Variants in ITGA7 observed in about 807,000 individuals in gnomAD.
ITGA7 encodes the protein integrin subunit alpha 7.
Under a neutral mutation model 131.6 loss-of-function variants are expected in ITGA7, and 84 were observed. The observed-to-expected ratio is 0.64, with a 90% CI of 0.54 to 0.77. The LOEUF is 0.77. Ranked by LOEUF, ITGA7 falls within the 30% of genes least tolerant of loss-of-function variation. The probability of loss-of-function intolerance (pLI) is 0.00; values close to 1 mark genes in which losing one functional copy is unlikely to be tolerated. For missense variants in ITGA7, 1,399 were observed against 1,482.9 expected (o/e 0.94, Z 0.93); for synonymous variants, 548 against 600.7 (o/e 0.91, Z 1.28).
intron 13 of ITGA7, among the ~76,000 whole-genome samples, chr12:55,696,030 C>T (rs1872557319): frequency 6.6e-6 from 1 of 152,168 alleles, no homozygotes; most frequent in Non-Finnish European, 1.5e-5. Context: ...AATGTGACTT[C>T]AAGAGCTTGA....
Position 55,697,450 on chromosome 12 carries a change from C to A in ITGA7, c.1505+1G>T, listed in dbSNP as rs1418718836. The A allele has an allele frequency of 1.2e-6, 2 of 1,613,738 alleles. No homozygotes were observed. Among genetic ancestry groups the A allele is most frequent in the South Asian group, 1.1e-5 (1 of 91,086 alleles). On this transcript the variant is annotated splice_donor_variant, in intron 10 of 24. Transcript: ENST00000257879. LOFTEE classifies it high-confidence loss of function. ...CCAGGTGCCACCCGATCCCACCTCA[C>A]CAGACCGAGTGGCCGCCAGCACAGT... is the stretch of plus-strand genomic sequence containing the variant.
rs1870605419 is a variant in ITGA7 at position 55,688,020 on chromosome 12, A to G, written c.3134T>C (p.Val1045Ala). 2 of 1,614,200 alleles carry G rather than the reference A, an allele frequency of 1.2e-6. No homozygotes were observed. The highest frequency in any genetic ancestry group is 8.5e-7 in the Non-Finnish European group (1 of 1,180,032). Residue 1045 changes from valine to alanine, a missense_variant, in exon 24 of 25, where the codon GTA becomes GCA. Coordinates refer to ENST00000257879, the MANE Select transcript of ITGA7 (RefSeq NM_002206.3). ...GVPWWVILLA[V>A]LAGLLVLALL... ...TGCTAGCACCAGCAGCCCAGCCAGT[A>G]CAGCCAGGAGGATGACCCACCAGGG...
chr12:55,696,044 C>G (rs968776462), intron 13 of ITGA7, among the ~76,000 whole-genome samples: 29 of 152,196 alleles, frequency 1.9e-4, no homozygotes, highest in Non-Finnish European at 8.8e-5. Context: ...AGCTTGAAGG[C>G]CGCATTTGAA....
chr12:55,691,306 G>A (rs1280365949), intron 21 of ITGA7, among the ~76,000 whole-genome samples: 1 of 152,068 alleles, frequency 6.6e-6, no homozygotes, highest in Non-Finnish European at 1.5e-5. Context: ...CCTAGGGCTG[G>A]AGTGGAGGCG....
Position 55,685,075 on chromosome 12 carries a change from C to G in ITGA7, c.3397G>C (p.Gly1133Arg), listed in dbSNP as rs777049721. 6.3e-7 allele frequency: 1 copy of G among 1,594,716 alleles called. No homozygotes were observed. The highest frequency in any genetic ancestry group is 1.1e-5 in the South Asian group (1 of 89,138). ...ATGGGAACCTAGGCGGTGCCTGGCCCTGGATGCCCATCGGGGCCCAGCTCG... is the reference window on the plus strand; with the variant it reads ...ATGGGAACCTAGGCGGTGCCTGGCCGTGGATGCCCATCGGGGCCCAGCTCG... ...HPELGPDGHP[G>R]PGTA Residue 1133 changes from glycine to arginine, a missense_variant, in exon 25 of 25, where the codon GGG becomes CGG. Coordinates refer to ENST00000257879, the MANE Select transcript of ITGA7 (RefSeq NM_002206.3).
rs180841797 is a variant in ITGA7 at position 55,699,994 on chromosome 12, G to T, written c.671-5C>A. The T allele has an allele frequency of 4.1e-4, 667 of 1,613,900 alleles. 6 individuals carry two copies. The African/African-American group carries it at 7.3e-3, about 18-fold the overall frequency. On this transcript the variant is annotated splice_region_variant and splice_polypyrimidine_tract_variant and intron_variant, in intron 4 of 24. Coordinates refer to ENST00000257879, the MANE Select transcript of ITGA7 (RefSeq NM_002206.3). Reference sequence around the variant, plus strand: ...TGTTGGTCACAAAAAGCAACCCTGTGGGGGGTGGGGTGAGACACCAGGGAG... The same window carrying T: ...TGTTGGTCACAAAAAGCAACCCTGTTGGGGGTGGGGTGAGACACCAGGGAG...
chr12:55,714,967 T>C (rs1170152571), upstream of ITGA7, among the ~76,000 whole-genome samples: 1 of 150,874 alleles, frequency 6.6e-6, no homozygotes, highest in Non-Finnish European at 1.5e-5. Flanking sequence ...TTCAAGCGAT[T>C]CTCCTGCCTC....
upstream of ITGA7, among the ~76,000 whole-genome samples, chr12:55,713,109 T>C (rs1329244641): frequency 6.6e-6 from 1 of 151,774 alleles, no homozygotes; most frequent in African/African-American, 2.4e-5. Context: ...CCAACCCATG[T>C]CCTTCTCTTC....
chr12:55,706,958 G>C (rs148121964), intron 1 of ITGA7, among the ~76,000 whole-genome samples: 2 of 152,334 alleles, frequency 1.3e-5, no homozygotes, highest in African/African-American at 4.8e-5. Flanking sequence ...CACAGAAGTG[G>C]AAGCTCTCTC....
chr12:55,709,929 G>T (rs1592503791), upstream of ITGA7, among the ~76,000 whole-genome samples: 1 of 152,158 alleles, frequency 6.6e-6, no homozygotes, highest in Admixed American at 6.5e-5. Context: ...TATAAATAGA[G>T]GGGCAAAGGA....
At chr12:55,711,718 T>C (rs966202339), upstream of ITGA7, among the ~76,000 whole-genome samples, 1 of 152,192 alleles carries the variant, frequency 6.6e-6, no homozygotes, top group Non-Finnish European at 1.5e-5. Context: ...GAAAGATTAA[T>C]AATCTTTATA....
In ITGA7 at chr12:55,707,876, A is replaced by AC. The variant is rs1875589233; in HGVS notation, c.-195dup. On this transcript the variant is annotated 5_prime_UTR_variant, in exon 1 of 25. Transcript: ENST00000257879. Reference sequence around the variant, plus strand: ...CGCCGCCCCAGCACCGGCTAGGACAACTACAGCAGCCGCAGCTCCGGCGCC... The same window carrying AC: ...CGCCGCCCCAGCACCGGCTAGGACAACCTACAGCAGCCGCAGCTCCGGCGCC... 1 of 1,423,850 alleles carries AC rather than the reference A, an allele frequency of 7.0e-7. No homozygotes were observed. Among genetic ancestry groups the AC allele is most frequent in the Non-Finnish European group, 9.1e-7 (1 of 1,093,646 alleles). 88.2% of individuals were successfully genotyped at this position (1,423,850 alleles called of 1,614,324 possible). A position where few individuals can be genotyped will look rare whatever the true frequency, so the allele number is the denominator to read the frequency against.
At chr12:55,705,417 C>CTG (rs1874977036) in intron 1 of ITGA7, among the ~76,000 whole-genome samples, 1 of 152,142 alleles carries the variant, frequency 6.6e-6, no homozygotes, top group African/African-American at 2.4e-5. Flanking sequence ...GCAGAGGGAC[C>CTG]CCCTGGGAGC....
intron 3 of ITGA7, 68 bp downstream of exon 3, chr12:55,702,804 G>T: frequency 1.5e-6 from 2 of 1,331,004 alleles, no homozygotes; most frequent in Non-Finnish European, 1.1e-6. Flanking sequence ...CTATGCGTAT[G>T]CACACACCAT....
chr12:55,685,532 C>G (rs1179848027), intron 24 of ITGA7, among the ~76,000 whole-genome samples: 7 of 152,134 alleles, frequency 4.6e-5, no homozygotes, highest in Non-Finnish European at 1.0e-4. Context: ...AAGGGTATCT[C>G]CCTTGGCCCC....
chr12:55,694,909 G>A lies in ITGA7; in HGVS notation c.2065C>T (p.Leu689=). 6.2e-7 allele frequency: 1 copy of A among 1,614,032 alleles called. No homozygotes were observed. The highest frequency in any genetic ancestry group is 8.5e-7 in the Non-Finnish European group (1 of 1,179,980). ...TCCGATGGCAGGTTGGTGACCATCA[G>A]CTCCAGGCCAATGACTGGCTGCCCA... ...LSGQPVIGLE[L]MVTNLPSDPA... The change falls in exon 15 of 25, where the codon CTG becomes TTG. Residue 689 remains leucine (L), a synonymous_variant. Transcript: ENST00000257879. The surrounding 1 kb of genome is among the most constrained non-coding windows in gnomAD (Gnocchi z 5.3).
Position 55,700,947 on chromosome 12 carries a change from CA to C in ITGA7, c.621del (p.Asp208IlefsTer21). 1.2e-6 allele frequency: 2 copies of C among 1,614,218 alleles called. No individual in the cohort carries two copies. The highest frequency in any genetic ancestry group is 1.7e-6 in the Non-Finnish European group (2 of 1,180,030). On this transcript the variant is annotated frameshift_variant, in exon 4 of 25. Transcript: ENST00000257879. LOFTEE classifies it high-confidence loss of function. ...CQQGTAAAFS[P>X]DSHYLLFGAP... ...GCCCCAAAGAGGAGGTAGTGGCTAT[CA>C]GGGGAGAAGGCGGCAGCTGTGCCCT...
intron 2 of ITGA7, 43 bp downstream of exon 2, chr12:55,703,008 C>A (rs1291862507): frequency 2.5e-6 from 4 of 1,613,856 alleles, no homozygotes; most frequent in East Asian, 2.2e-5. Flanking sequence ...TCCTCTCCTC[C>A]CCGCTCACAC....
In ITGA7 at chr12:55,694,372, C is replaced by A. The variant is rs768487428; in HGVS notation, c.2358-42G>T. Reference sequence around the variant, plus strand: ...GGCAAGTATGGGCATCAGGCACAGGCACCTCCCAAGGGGTCAGATGAGGTC... The same window carrying A: ...GGCAAGTATGGGCATCAGGCACAGGAACCTCCCAAGGGGTCAGATGAGGTC... On this transcript the variant is annotated intron_variant, in intron 17 of 24. Coordinates refer to ENST00000257879, the MANE Select transcript of ITGA7 (RefSeq NM_002206.3). This position sits in a 1 kb window ranked among gnomAD's most constrained non-coding sequence, Gnocchi z 5.3. 1.9e-6 allele frequency: 3 copies of A among 1,613,080 alleles called. No homozygotes were observed. Among genetic ancestry groups the A allele is most frequent in the East Asian group, 4.5e-5 (2 of 44,876 alleles).
Sources: allele counts gnomAD v4.1 joint callset (sites outside exome capture counted in the v4.1 genomes callset), GRCh38; gene constraint gnomAD v4.1.1; non-coding constraint Gnocchi (gnomAD v3.1); transcripts MANE v1.5; gene names NCBI Gene and HGNC (gene_info 2026-07-23, HGNC 2026-07-21).